Variants in AKAP6 observed in about 807,000 individuals in gnomAD.
The protein encoded by AKAP6 is A-kinase anchoring protein 6.
A neutral mutation model predicts 188.5 loss-of-function variants in AKAP6; 58 were observed. The observed-to-expected ratio is 0.31, with a 90% CI of 0.25 to 0.38. AKAP6 has a LOEUF of 0.38. Ranked by LOEUF, AKAP6 falls within the 10% of genes least tolerant of loss-of-function variation. The pLI is 1.00. For synonymous variants in AKAP6, 989 were observed against 998.6 expected (o/e 0.99, Z 0.18); for missense variants, 2,710 against 2,740.0 (o/e 0.99, Z 0.24).
At chr14:32,426,941 C>T (rs1188468295) in intron 1 of AKAP6, among the ~76,000 whole-genome samples, 1 of 151,956 alleles carries the variant, frequency 6.6e-6, no homozygotes, top group East Asian at 1.9e-4. Context: ...AGGGAGTTAG[C>T]GGGTATTTGA....
intron 9 of AKAP6, among the ~76,000 whole-genome samples, chr14:32,701,914 A>T (rs553548159): frequency 3.3e-5 from 5 of 152,234 alleles, no homozygotes; most frequent in Admixed American, 6.5e-5. Context: ...TAACTTTTTA[A>T]AAAAAAATTC....
intron 4 of AKAP6, among the ~76,000 whole-genome samples, chr14:32,565,860 C>G (rs1313806081): frequency 6.6e-6 from 1 of 152,182 alleles, no homozygotes; most frequent in Non-Finnish European, 1.5e-5. Context: ...TTTAGGAATG[C>G]CATTCTCTGC....
chr14:32,774,786 G>T (rs2033004839), intron 12 of AKAP6, among the ~76,000 whole-genome samples: 1 of 152,054 alleles, frequency 6.6e-6, no homozygotes, highest in African/African-American at 2.4e-5. Context: ...AGAATGGAAA[G>T]TTTTCCTTAT....
At position 32,732,513 on chromosome 14, in the gene AKAP6, T is replaced by C; in HGVS notation, c.3060T>C (p.Val1020=). ...AAAAGACGGAGCTGCTTAGTAAGGT[T>C]GAAGCTTTGAAGAAAGGTGGCGTTT... ...HLKKTELLSK[V]EALKKGGVLL... is the part of the protein sequence containing the mutation. The change falls in exon 10 of 14, where the codon GTT becomes GTC. Residue 1020 remains valine, a synonymous_variant. Coordinates refer to ENST00000280979, the MANE Select transcript of AKAP6 (RefSeq NM_004274.5). 6.2e-7 allele frequency: 1 copy of C among 1,613,546 alleles called. No individual in the cohort carries two copies. Among genetic ancestry groups the C allele is most frequent in the East Asian group, 2.2e-5 (1 of 44,838 alleles).
At chr14:32,664,040 A>T (rs948528469) in intron 7 of AKAP6, among the ~76,000 whole-genome samples, 1 of 152,132 alleles carries the variant, frequency 6.6e-6, no homozygotes. Flanking sequence ...CAGAAAAAAA[A>T]TAATAACTGA....
At chr14:32,668,727 G>A (rs895173928) in intron 7 of AKAP6, among the ~76,000 whole-genome samples, 1 of 151,892 alleles carries the variant, frequency 6.6e-6, no homozygotes, top group Non-Finnish European at 1.5e-5. Context: ...AGGTTTTTTT[G>A]GAACTGCCAA....
intron 4 of AKAP6, among the ~76,000 whole-genome samples, chr14:32,550,874 G>A (rs1192254210): frequency 1.3e-5 from 2 of 152,038 alleles, no homozygotes; most frequent in African/African-American, 4.8e-5. Context: ...CCTCCTTCCT[G>A]GATTACTGCA....
intron 7 of AKAP6, among the ~76,000 whole-genome samples, chr14:32,637,177 G>C (rs1293991859): frequency 6.6e-6 from 1 of 152,104 alleles, no homozygotes; most frequent in Non-Finnish European, 1.5e-5. Flanking sequence ...ATAGGGCCTA[G>C]TACGTAGAAT....
chr14:32,800,293 T>TC (rs1168129196), intron 12 of AKAP6, among the ~76,000 whole-genome samples: 2 of 151,176 alleles, frequency 1.3e-5, no homozygotes, highest in East Asian at 3.9e-4. Flanking sequence ...TCCCAGCTAC[T>TC]CAGAAGGCTG....
chr14:32,501,736 C>T (rs1034644846), intron 2 of AKAP6, among the ~76,000 whole-genome samples: 1 of 152,162 alleles, frequency 6.6e-6, no homozygotes, highest in Non-Finnish European at 1.5e-5. Context: ...GGTCTTCACT[C>T]TCTGGAGTGA....
intron 7 of AKAP6, among the ~76,000 whole-genome samples, chr14:32,614,569 T>C (rs1366266390): frequency 6.6e-6 from 1 of 152,200 alleles, no homozygotes; most frequent in African/African-American, 2.4e-5. Context: ...GCACTAATGA[T>C]ACAATCAGCA....
chr14:32,426,154 G>A (rs906249502), intron 1 of AKAP6, among the ~76,000 whole-genome samples: 1 of 152,112 alleles, frequency 6.6e-6, no homozygotes, highest in Non-Finnish European at 1.5e-5. Flanking sequence ...CTCTAGTAAA[G>A]GTTCGCACTT....
chr14:32,390,786 G>T (rs1024971373), intron 1 of AKAP6, among the ~76,000 whole-genome samples: 1 of 152,076 alleles, frequency 6.6e-6, no homozygotes, highest in Non-Finnish European at 1.5e-5. Context: ...TTGCCTTCAG[G>T]GGGTATGTGG....
At chr14:32,361,520 C>T (rs1288154106) in intron 1 of AKAP6, among the ~76,000 whole-genome samples, 2 of 152,066 alleles carry the variant, frequency 1.3e-5, no homozygotes, top group Non-Finnish European at 2.9e-5. Flanking sequence ...ATCAGGGGAA[C>T]ATTAAAGGGA....
intron 1 of AKAP6, among the ~76,000 whole-genome samples, chr14:32,398,992 A>G (rs2138608260): frequency 6.6e-6 from 1 of 151,018 alleles, no homozygotes; most frequent in Middle Eastern, 3.4e-3. Flanking sequence ...AGTAGCTGGG[A>G]CCAGGCATGC....
chr14:32,463,781 T>G (rs1416891019), intron 2 of AKAP6, among the ~76,000 whole-genome samples: 1 of 152,080 alleles, frequency 6.6e-6, no homozygotes, highest in Non-Finnish European at 1.5e-5. Flanking sequence ...ACAAAAACCC[T>G]TCAAAAAATC....
chr14:32,766,665 T>C (rs2032728624), intron 11 of AKAP6, among the ~76,000 whole-genome samples: 1 of 152,194 alleles, frequency 6.6e-6, no homozygotes, highest in Non-Finnish European at 1.5e-5. Flanking sequence ...ATTCAAATAC[T>C]TTGTCCATTT....
intron 7 of AKAP6, among the ~76,000 whole-genome samples, chr14:32,644,338 GCTCT>G (rs997620560): frequency 2.0e-5 from 3 of 151,954 alleles, no homozygotes; most frequent in Non-Finnish European, 2.9e-5. Flanking sequence ...GAAGGTCATT[GCTCT>G]CTCTCTCTAC....
chr14:32,433,514 A>C lies in AKAP6; in HGVS notation c.21A>C (p.Thr7=), dbSNP rs750001557. ...TCTCCATGTTAACCATGAGCGTGAC[A>C]CTTTCCCCCCTGAGGTCACAGGACC... MLTMSV[T]LSPLRSQDLD... Residue 7 remains threonine, a synonymous_variant, in exon 2 of 14, where the codon ACA becomes ACC. Transcript: ENST00000280979. 4 of 1,613,948 alleles carry C rather than the reference A, an allele frequency of 2.5e-6. No homozygotes were observed. Among genetic ancestry groups the C allele is most frequent in the Non-Finnish European group, 3.4e-6 (4 of 1,179,986 alleles).
Sources: allele counts gnomAD v4.1 joint callset (sites outside exome capture counted in the v4.1 genomes callset), GRCh38; gene constraint gnomAD v4.1.1; transcripts MANE v1.5; gene names NCBI Gene and HGNC (gene_info 2026-07-23, HGNC 2026-07-21).